PCDH9: variants seen among roughly 807,000 people sequenced by gnomAD.
PCDH9 encodes protocadherin 9, also known as protocadherin-9.
In PCDH9, 24 loss-of-function variants were observed where a neutral mutation model predicts 70.6. That is an observed-to-expected ratio of 0.34 (90% CI 0.25 to 0.48). The LOEUF (loss-of-function observed/expected upper bound fraction) is 0.48. Among genes scored for constraint, PCDH9 ranks in the 20% least tolerant of loss-of-function variants. The pLI is 0.99. For missense variants in PCDH9, 1,281 were observed against 1,503.6 expected, an observed-to-expected ratio of 0.85 and a Z score of 2.45; for synonymous variants, 562 against 558.5, an observed-to-expected ratio of 1.01 and a Z score of -0.09.
At chr13:66,330,833 C>A (rs1483444180) in intron 4 of PCDH9, among the ~76,000 whole-genome samples, 1 of 152,106 alleles carries the variant, frequency 6.6e-6, no homozygotes, top group Non-Finnish European at 1.5e-5. Flanking sequence ...TCACATCCAG[C>A]CTTAGCACAA....
intron 3 of PCDH9, among the ~76,000 whole-genome samples, chr13:66,838,152 T>G (rs2081055088): frequency 6.6e-6 from 1 of 152,144 alleles, no homozygotes; most frequent in African/African-American, 2.4e-5. Context: ...TCTATAATAT[T>G]TTTTTCTCCC....
At chr13:67,182,141 T>A (rs983236651) in intron 2 of PCDH9, among the ~76,000 whole-genome samples, 1 of 152,210 alleles carries the variant, frequency 6.6e-6, no homozygotes, top group African/African-American at 2.4e-5. Context: ...TATATCCTGC[T>A]ATATCCTCCT....
chr13:66,790,751 T>C (rs1192409821), intron 3 of PCDH9, among the ~76,000 whole-genome samples: 2 of 152,036 alleles, frequency 1.3e-5, no homozygotes, highest in African/African-American at 4.8e-5. Flanking sequence ...TCATATATAA[T>C]TCCAAATAAT....
At chr13:66,406,867 C>A (rs565408508) in intron 4 of PCDH9, among the ~76,000 whole-genome samples, 9 of 152,280 alleles carry the variant, frequency 5.9e-5, no homozygotes, top group African/African-American at 2.2e-4. Flanking sequence ...ATCATGTTTT[C>A]ATCTGATATC....
At chr13:67,139,980 A>G (rs1024467659) in intron 2 of PCDH9, among the ~76,000 whole-genome samples, 1 of 148,334 alleles carries the variant, frequency 6.7e-6, no homozygotes, top group African/African-American at 2.5e-5. Context: ...GGATAATTCC[A>G]TCAGCTGCAT....
intron 3 of PCDH9, among the ~76,000 whole-genome samples, chr13:66,778,180 C>T: frequency 6.6e-6 from 1 of 151,414 alleles, no homozygotes; most frequent in Non-Finnish European, 1.5e-5. Flanking sequence ...ATACCTAATG[C>T]TAAATGACAA....
chr13:66,770,486 T>C (rs1029068389), intron 3 of PCDH9, among the ~76,000 whole-genome samples: 1 of 152,184 alleles, frequency 6.6e-6, no homozygotes, highest in Non-Finnish European at 1.5e-5. Flanking sequence ...ATGCTGGATA[T>C]TTCCTTTTCT....
intron 4 of PCDH9, among the ~76,000 whole-genome samples, chr13:66,510,859 A>G (rs1460933749): frequency 6.6e-6 from 1 of 152,160 alleles, no homozygotes; most frequent in African/African-American, 2.4e-5. Flanking sequence ...TTCTATTTAC[A>G]GAGTAGCTAC....
chr13:66,373,330 G>C (rs568210717), intron 4 of PCDH9, among the ~76,000 whole-genome samples: 1 of 152,062 alleles, frequency 6.6e-6, no homozygotes, highest in South Asian at 2.1e-4. Flanking sequence ...GCCAGTGGTG[G>C]CGGGTTGGGG....
chr13:67,172,050 T>C (rs551628315), intron 2 of PCDH9, among the ~76,000 whole-genome samples: 80 of 152,354 alleles, frequency 5.3e-4, no homozygotes, highest in African/African-American at 1.9e-3. Context: ...GATGAAACTT[T>C]TGAAACTTAT....
chr13:66,747,157 C>G (rs2079380163), intron 3 of PCDH9, among the ~76,000 whole-genome samples: 2 of 152,152 alleles, frequency 1.3e-5, no homozygotes, highest in African/African-American at 4.8e-5. Flanking sequence ...CAAGACCAGT[C>G]TGGCCAACAT....
At chr13:66,371,722 C>A (rs1956657520) in intron 4 of PCDH9, among the ~76,000 whole-genome samples, 1 of 151,988 alleles carries the variant, frequency 6.6e-6, no homozygotes, top group African/African-American at 2.4e-5. Context: ...AGCTTCCAGG[C>A]TAATAAACTA....
chr13:66,310,977 A>G (rs999844601), intron 4 of PCDH9, among the ~76,000 whole-genome samples: 2 of 152,088 alleles, frequency 1.3e-5, no homozygotes, highest in Non-Finnish European at 2.9e-5. Context: ...TTGTGCTATC[A>G]TGAGTGTCTA....
At chr13:66,445,977 A>C (rs1837930250) in intron 4 of PCDH9, among the ~76,000 whole-genome samples, 1 of 151,802 alleles carries the variant, frequency 6.6e-6, no homozygotes, top group Non-Finnish European at 1.5e-5. Context: ...CATAACTTAG[A>C]TATTACATAA....
chr13:66,646,087 C>A, intron 3 of PCDH9, among the ~76,000 whole-genome samples: 1 of 152,160 alleles, frequency 6.6e-6, no homozygotes, highest in East Asian at 1.9e-4. Context: ...AACACAAACT[C>A]TGTATCCCTG....
chr13:66,414,575 G>A (rs887911692), intron 4 of PCDH9, among the ~76,000 whole-genome samples: 1 of 152,144 alleles, frequency 6.6e-6, no homozygotes, highest in Non-Finnish European at 1.5e-5. Context: ...GTTGACCTCT[G>A]TATGCCTATA....
intron 2 of PCDH9, 25 bp downstream of exon 2, chr13:67,225,380 T>C (rs1047340819): frequency 4.4e-6 from 7 of 1,607,186 alleles, no homozygotes; most frequent in South Asian, 1.1e-5. Flanking sequence ...GCAGTACTTA[T>C]AGACCAGTAA....
chr13:66,809,793 G>A (rs1466156995), intron 3 of PCDH9, among the ~76,000 whole-genome samples: 76 of 151,994 alleles, frequency 5.0e-4, no homozygotes, highest in Non-Finnish European at 4.4e-5. Context: ...AAAAAAAGAG[G>A]GTGCTTAATG....
At chr13:67,141,736 G>A (rs1476074793) in intron 2 of PCDH9, among the ~76,000 whole-genome samples, 2 of 148,808 alleles carry the variant, frequency 1.3e-5, no homozygotes, top group African/African-American at 4.9e-5. Context: ...CCTGCGCCCA[G>A]CCAAGACCTT....
Sources: allele counts gnomAD v4.1 joint callset (sites outside exome capture counted in the v4.1 genomes callset), GRCh38; gene constraint gnomAD v4.1.1; transcripts MANE v1.5; gene names NCBI Gene and HGNC (gene_info 2026-07-23, HGNC 2026-07-21).